SOX5: variants seen among roughly 807,000 people sequenced by gnomAD.
SOX5 encodes the protein transcription factor SOX-5.
SOX5 carries 9 observed loss-of-function variants against 92.0 expected under a neutral mutation model. That is an observed-to-expected ratio of 0.10 (90% CI 0.06 to 0.17). The LOEUF is 0.17. SOX5 is among the 10% of genes least tolerant of loss of function. The pLI, the probability that SOX5 is intolerant of heterozygous loss-of-function variation, is 1.00. For synonymous variants in SOX5, 344 were observed against 336.3 expected, an observed-to-expected ratio of 1.02 and a Z score of -0.25; for missense variants, 642 against 944.5, an observed-to-expected ratio of 0.68 and a Z score of 4.20.
chr12:23,991,346 A>T (rs1465486851), intron 4 of SOX5, among the ~76,000 whole-genome samples: 4 of 150,794 alleles, frequency 2.7e-5, no homozygotes, highest in Non-Finnish European at 4.4e-5. Context: ...AACAACAAAA[A>T]AAATATATAT....
intron 4 of SOX5, among the ~76,000 whole-genome samples, chr12:24,158,261 T>C (rs941992586): frequency 2.0e-5 from 3 of 152,046 alleles, no homozygotes; most frequent in African/African-American, 4.8e-5. Flanking sequence ...AAAATGTTTA[T>C]TTAATAAAAC....
At chr12:23,815,740 C>T (rs1268598591) in intron 3 of SOX5, among the ~76,000 whole-genome samples, 3 of 152,208 alleles carry the variant, frequency 2.0e-5, no homozygotes, top group Non-Finnish European at 4.4e-5. Flanking sequence ...TGGTTCTGGT[C>T]GGAGATAGCT....
Position 23,996,980 on chromosome 12 carries a change from A to C in SOX5, c.-1-100956T>G, listed in dbSNP as rs569740958. On this transcript the variant is annotated intron_variant, in intron 4 of 4. Coordinates refer to the SOX5 transcript ENST00000446891. The stretch of plus-strand genomic sequence containing the variant: ...GCTAATTTTTTGTCATACAAATTTC[A>C]CCTTAAGAAAATGTTGAAGGAGAGT... Among the ~76,000 whole-genome samples, 3 of 152,324 alleles carry C rather than the reference A, an allele frequency of 2.0e-5. No individual in the cohort carries two copies. The East Asian group carries it at 5.8e-4, about 29-fold the overall frequency.
intron 3 of SOX5, among the ~76,000 whole-genome samples, chr12:23,758,204 G>C (rs2094458014): frequency 6.6e-6 from 1 of 151,818 alleles, no homozygotes; most frequent in Non-Finnish European, 1.5e-5. Context: ...CTATGTGCCA[G>C]AAACTATGCT....
intron 3 of SOX5, among the ~76,000 whole-genome samples, chr12:23,796,782 T>A (rs765339160): frequency 6.6e-6 from 1 of 151,150 alleles, no homozygotes; most frequent in Non-Finnish European, 1.5e-5. Context: ...GTGTATTTAC[T>A]CATTCTTATA....
chr12:23,998,656 G>A (rs1262099509), intron 4 of SOX5, among the ~76,000 whole-genome samples: 1 of 151,772 alleles, frequency 6.6e-6, no homozygotes, highest in Non-Finnish European at 1.5e-5. Flanking sequence ...ACAAAAATTA[G>A]CCGGGCATGG....
chr12:23,999,304 G>C (rs564653971), intron 4 of SOX5, among the ~76,000 whole-genome samples: 1 of 151,968 alleles, frequency 6.6e-6, no homozygotes, highest in African/African-American at 2.4e-5. Context: ...ATGGTGAAGG[G>C]GGTTGAAAGA....
At position 24,547,316 on chromosome 12, in the gene SOX5, C is replaced by T. The variant is rs1179389812; in HGVS notation, c.-251+15013G>A. Reference sequence around the variant, plus strand: ...ACGCCATTCTCCTGCCTCAGCCTCCCGAGTAGCTGGGACTACAGGCGCCCG... The same window carrying T: ...ACGCCATTCTCCTGCCTCAGCCTCCTGAGTAGCTGGGACTACAGGCGCCCG... On this transcript the variant is annotated intron_variant, in intron 1 of 4. Transcript: ENST00000446891. Among the ~76,000 whole-genome samples the T allele has an allele frequency of 7.3e-5, 11 of 151,362 alleles. No individual in the cohort carries two copies. The East Asian group carries it at 1.6e-3, about 21-fold the overall frequency.
intron 4 of SOX5, among the ~76,000 whole-genome samples, chr12:24,067,776 G>T (rs940698884): frequency 1.3e-5 from 2 of 152,168 alleles, no homozygotes; most frequent in African/African-American, 4.8e-5. Flanking sequence ...CGAGAAAGGG[G>T]AGTAGGCAGT....
chr12:23,618,062 C>A (rs961051606), intron 8 of SOX5, among the ~76,000 whole-genome samples: 3 of 152,176 alleles, frequency 2.0e-5, no homozygotes, highest in African/African-American at 7.2e-5. Flanking sequence ...GAACACTCTG[C>A]ATCTATTCCT....
rs138338254 is a variant in SOX5 at position 24,093,530 on chromosome 12, A to C, written c.-2+119813T>G. On this transcript the variant is annotated intron_variant, in intron 4 of 4. Coordinates refer to the SOX5 transcript ENST00000446891. Reference sequence around the variant, plus strand: ...AGGGCAAGACTCCGTCTCAAAAAAAAAAAAACAAAAACAAAAACAAAAATA... The same window carrying C: ...AGGGCAAGACTCCGTCTCAAAAAAACAAAAACAAAAACAAAAACAAAAATA... Among the ~76,000 whole-genome samples, 211 of 151,772 alleles carry C rather than the reference A, an allele frequency of 1.4e-3. 4 individuals carry two copies. The South Asian group carries it at 0.023, about 17-fold the overall frequency.
At chr12:23,798,315 G>GA (rs1319007022) in intron 3 of SOX5, among the ~76,000 whole-genome samples, 3 of 151,704 alleles carry the variant, frequency 2.0e-5, no homozygotes, top group Non-Finnish European at 2.9e-5. Context: ...TGTGCTGCCT[G>GA]AAAAAAATAC....
upstream of SOX5, among the ~76,000 whole-genome samples, chr12:23,955,816 C>T (rs1009001219): frequency 2.6e-5 from 4 of 151,836 alleles, no homozygotes; most frequent in African/African-American, 9.7e-5. Flanking sequence ...AATAAAAGTG[C>T]TCTTGGCCTT....
intron 2 of SOX5, among the ~76,000 whole-genome samples, chr12:24,347,766 T>C (rs1370774520): frequency 6.6e-6 from 1 of 152,194 alleles, no homozygotes; most frequent in African/African-American, 2.4e-5. Flanking sequence ...TATTAAACTA[T>C]CTGTCATGAA....
chr12:23,604,339 T>C, intron 9 of SOX5, 48 bp downstream of exon 9: 1 of 1,600,122 alleles, frequency 6.2e-7, no homozygotes. Context: ...TACCATTGAA[T>C]GAAAAATAAA....
At chr12:23,687,392 C>T (rs567905509) in intron 6 of SOX5, among the ~76,000 whole-genome samples, 3 of 151,844 alleles carry the variant, frequency 2.0e-5, no homozygotes, top group African/African-American at 7.2e-5. Flanking sequence ...TACACACGCA[C>T]GATATTATAC....
chr12:23,973,027 T>C (rs1380016351), intron 4 of SOX5, among the ~76,000 whole-genome samples: 4 of 152,182 alleles, frequency 2.6e-5, no homozygotes, highest in Admixed American at 6.5e-5. Flanking sequence ...TTATATGAGA[T>C]TGACTTTTTT....
intron 6 of SOX5, among the ~76,000 whole-genome samples, chr12:23,673,610 C>T (rs1203655877): frequency 6.6e-6 from 1 of 152,002 alleles, no homozygotes; most frequent in East Asian, 1.9e-4. Flanking sequence ...CTATTACTTT[C>T]TAATTTGTGA....
intron 3 of SOX5, among the ~76,000 whole-genome samples, chr12:23,793,775 G>A (rs2095516539): frequency 1.3e-5 from 2 of 152,178 alleles, no homozygotes; most frequent in South Asian, 4.1e-4. Flanking sequence ...CCAGACAATG[G>A]TGAAGTAAGA....
Sources: allele counts gnomAD v4.1 joint callset (sites outside exome capture counted in the v4.1 genomes callset), GRCh38; gene constraint gnomAD v4.1.1; transcripts MANE v1.5; gene names NCBI Gene and HGNC (gene_info 2026-07-23, HGNC 2026-07-21).